COX7B2: variants seen among roughly 807,000 people sequenced by gnomAD.
COX7B2 encodes cytochrome c oxidase subunit 7B2.
For missense variants in COX7B2, 109 were observed against 95.9 expected (o/e 1.14, Z -0.57); for synonymous variants, 37 against 32.1 (o/e 1.15, Z -0.51).
chr4:46,811,985 C>A (rs1402003575), intron 2 of COX7B2, among the ~76,000 whole-genome samples: 2 of 152,108 alleles, frequency 1.3e-5, no homozygotes, highest in East Asian at 3.9e-4. Context: ...CTTTAGGGAT[C>A]CTCTTATTCT....
intron 2 of COX7B2, among the ~76,000 whole-genome samples, chr4:46,819,815 G>C (rs1262425565): frequency 6.6e-6 from 1 of 152,174 alleles, no homozygotes; most frequent in Non-Finnish European, 1.5e-5. Context: ...AATTTTTTCA[G>C]TGTCATTGTG....
chr4:46,754,722 G>GTATATATATATATATATA (rs1396491793), intron 2 of COX7B2, among the ~76,000 whole-genome samples: 40 of 34,082 alleles, frequency 1.2e-3, no homozygotes, highest in African/African-American at 4.5e-3. Context: ...GTGTGTGTGT[G>GTATATATATATATATATA]TGTGTGTATA....
At chr4:46,833,511 T>C (rs114856396) in intron 2 of COX7B2, among the ~76,000 whole-genome samples, 1 of 152,148 alleles carries the variant, frequency 6.6e-6, no homozygotes, top group African/African-American at 2.4e-5. Context: ...GTTACTAGCA[T>C]TCATATACTT....
intron 2 of COX7B2, among the ~76,000 whole-genome samples, chr4:46,776,650 G>A (rs1253697543): frequency 6.6e-6 from 1 of 152,072 alleles, no homozygotes; most frequent in East Asian, 1.9e-4. Flanking sequence ...AGACAAAAGA[G>A]TAATTAATAA....
At chr4:46,773,706 A>G (rs1717003841) in intron 2 of COX7B2, among the ~76,000 whole-genome samples, 1 of 152,112 alleles carries the variant, frequency 6.6e-6, no homozygotes, top group South Asian at 2.1e-4. Flanking sequence ...GGGCTTCTGG[A>G]TCTAATTTTT....
intron 2 of COX7B2, among the ~76,000 whole-genome samples, chr4:46,771,456 C>T (rs1467928735): frequency 6.6e-6 from 1 of 152,070 alleles, no homozygotes; most frequent in Non-Finnish European, 1.5e-5. Context: ...AACAATCTCA[C>T]TTCTGGGTAC....
chr4:46,889,606 A>G (rs992171248), intron 1 of COX7B2, among the ~76,000 whole-genome samples: 4 of 152,222 alleles, frequency 2.6e-5, no homozygotes, highest in African/African-American at 9.6e-5. Context: ...GAGGACAAGT[A>G]CACATTCAAT....
chr4:46,819,967 A>G (rs1386525703), intron 2 of COX7B2, among the ~76,000 whole-genome samples: 1 of 152,190 alleles, frequency 6.6e-6, no homozygotes, highest in Non-Finnish European at 1.5e-5. Flanking sequence ...CAAGCATTGC[A>G]TCTCTTCTTC....
At chr4:46,831,094 T>C (rs1715054748) in intron 2 of COX7B2, among the ~76,000 whole-genome samples, 1 of 151,770 alleles carries the variant, frequency 6.6e-6, no homozygotes, top group Non-Finnish European at 1.5e-5. Context: ...CCAGCTAGAG[T>C]TCCGGGTGGG....
chr4:46,880,389 G>A (rs567987622), intron 1 of COX7B2, among the ~76,000 whole-genome samples: 2 of 143,778 alleles, frequency 1.4e-5, no homozygotes, highest in East Asian at 2.1e-4. Context: ...GTAGAATTCA[G>A]CATAAATCTA....
At chr4:46,839,815 T>C (rs989803630) in intron 2 of COX7B2, among the ~76,000 whole-genome samples, 4 of 152,124 alleles carry the variant, frequency 2.6e-5, no homozygotes, top group South Asian at 2.1e-4. Context: ...TCAATACTTA[T>C]ATCTTAGTGT....
chr4:46,755,310 T>C (rs1281252326), intron 2 of COX7B2, among the ~76,000 whole-genome samples: 2 of 152,024 alleles, frequency 1.3e-5, no homozygotes, highest in African/African-American at 4.8e-5. Context: ...AAAGGCCATA[T>C]ATGACAAACT....
At chr4:46,908,904 C>T (rs1318966290) in intron 1 of COX7B2, among the ~76,000 whole-genome samples, 3 of 151,936 alleles carry the variant, frequency 2.0e-5, no homozygotes, top group Non-Finnish European at 2.9e-5. Flanking sequence ...ATTAGCCAGG[C>T]GTGGTGGCGG....
intron 2 of COX7B2, among the ~76,000 whole-genome samples, chr4:46,747,922 A>G (rs1230895686): frequency 6.6e-6 from 1 of 151,470 alleles, no homozygotes; most frequent in Non-Finnish European, 1.5e-5. Context: ...CATCTTTAAG[A>G]ACAAACGTAA....
chr4:46,765,803 C>A (rs1233719731), intron 2 of COX7B2, among the ~76,000 whole-genome samples: 1 of 151,990 alleles, frequency 6.6e-6, no homozygotes, highest in African/African-American at 2.4e-5. Context: ...GGATCCAGGC[C>A]CATATTAGCA....
intron 2 of COX7B2, among the ~76,000 whole-genome samples, chr4:46,786,375 T>C (rs1435682973): frequency 3.9e-5 from 6 of 152,202 alleles, no homozygotes; most frequent in Non-Finnish European, 1.5e-5. Context: ...TAATGTTGAT[T>C]CCTGGTTTTT....
intron 2 of COX7B2, among the ~76,000 whole-genome samples, chr4:46,821,693 A>T (rs1042708752): frequency 6.6e-6 from 1 of 152,236 alleles, no homozygotes; most frequent in Non-Finnish European, 1.5e-5. Context: ...ATTCAAATGT[A>T]TAAGTTAAAT....
chr4:46,744,738 A>ATTTTTTTTTTTTT (rs773481406), intron 2 of COX7B2, among the ~76,000 whole-genome samples: 1 of 124,666 alleles, frequency 8.0e-6, no homozygotes, highest in Non-Finnish European at 1.7e-5. Context: ...AGATATTTTA[A>ATTTTTTTTTTTTT]TTTTTTTTTT....
At chr4:46,894,935 C>T (rs1719658990) in intron 1 of COX7B2, among the ~76,000 whole-genome samples, 1 of 152,172 alleles carries the variant, frequency 6.6e-6, no homozygotes, top group African/African-American at 2.4e-5. Context: ...AATAAGATAG[C>T]ATCTCACACC....
Sources: allele counts gnomAD v4.1 joint callset (sites outside exome capture counted in the v4.1 genomes callset), GRCh38; gene constraint gnomAD v4.1.1; transcripts MANE v1.5; gene names NCBI Gene and HGNC (gene_info 2026-07-23, HGNC 2026-07-21).